Variants in ZNF827 observed in about 807,000 individuals in gnomAD.
ZNF827 encodes zinc finger protein 827.
Under a neutral mutation model 102.4 loss-of-function variants are expected in ZNF827, and 13 were observed. The ratio of observed to expected loss-of-function variants is 0.13; its 90% CI spans 0.08 to 0.20. The LOEUF (loss-of-function observed/expected upper bound fraction) is 0.20. ZNF827 is among the 10% of genes least tolerant of loss of function. The pLI is 1.00. For synonymous variants in ZNF827, 523 were observed against 536.2 expected (o/e 0.98, Z 0.34); for missense variants, 1,103 against 1,344.4 (o/e 0.82, Z 2.81).
intron 7 of ZNF827, chr4:145,839,075 A>T (rs1745164964): frequency 6.6e-6 from 1 of 152,218 alleles, no homozygotes; most frequent in African/African-American, 2.4e-5. Context: ...AAAATACAGC[A>T]TCTTAGGAAC....
intron 8 of ZNF827, among the ~76,000 whole-genome samples, chr4:145,782,330 C>A (rs1738200577): frequency 6.6e-6 from 1 of 152,164 alleles, no homozygotes; most frequent in Non-Finnish European, 1.5e-5. Flanking sequence ...AGACCTGAAG[C>A]AAAGGCCCGT....
intron 5 of ZNF827, among the ~76,000 whole-genome samples, chr4:145,859,087 C>T (rs1044094769): frequency 6.6e-6 from 1 of 152,068 alleles, no homozygotes; most frequent in Non-Finnish European, 1.5e-5. Context: ...GTCAATGTTC[C>T]CAGCAGGCAG....
intron 8 of ZNF827, among the ~76,000 whole-genome samples, chr4:145,811,632 C>T (rs539725497): frequency 9.2e-4 from 140 of 152,224 alleles, no homozygotes; most frequent in African/African-American, 3.1e-3. Flanking sequence ...GGAAAAACCA[C>T]GCACAATTTT....
intron 6 of ZNF827, among the ~76,000 whole-genome samples, chr4:145,847,022 C>T (rs1270185539): frequency 3.3e-5 from 5 of 151,686 alleles, no homozygotes; most frequent in South Asian, 2.1e-4. Flanking sequence ...GGCGTGATGG[C>T]GCGTGCCTGT....
Position 145,903,137 on chromosome 4 carries a change from G to A in ZNF827, c.122C>T (p.Ser41Leu). ...CTGGACTTCCCCATAGGATGCTTCT[G>A]ACGGAGTCTCTGAAGAGTTTCCATA... ...HWYGNSSETP[S>L]EASYGEVQEN... Residue 41 changes from serine to leucine, a missense_variant, in exon 2 of 15, where the codon TCA becomes TTA. By Grantham distance (145) the Ser-to-Leu change is moderately radical (BLOSUM62 -2). Around this residue, in one of 5 missense-constraint regions of ZNF827, gnomAD observed 441 missense variants for 458.6 expected, o/e 0.96. Transcript: ENST00000508784. 1 of 1,614,210 alleles carries A rather than the reference G, an allele frequency of 6.2e-7. No individual in the cohort carries two copies. The highest frequency in any genetic ancestry group is 8.5e-7 in the Non-Finnish European group (1 of 1,180,034).
chr4:145,849,237 GTT>G (rs71973224), intron 6 of ZNF827, 83 bp downstream of exon 6: 248 of 1,342,432 alleles, frequency 1.8e-4, no homozygotes, highest in African/African-American at 6.8e-4. Flanking sequence ...TATAATTCAG[GTT>G]TTTTTTTTTA....
intron 7 of ZNF827, among the ~76,000 whole-genome samples, chr4:145,829,317 A>G (rs1259284849): frequency 6.6e-6 from 1 of 152,198 alleles, no homozygotes; most frequent in Non-Finnish European, 1.5e-5. Flanking sequence ...ATTAAATGTA[A>G]GAGTTTCTGG....
intron 11 of ZNF827, among the ~76,000 whole-genome samples, chr4:145,766,546 G>C (rs778857821): frequency 6.6e-6 from 1 of 152,192 alleles, no homozygotes; most frequent in African/African-American, 2.4e-5. Context: ...GACAGACTCC[G>C]AGTGGCGGAT....
chr4:145,906,998 G>A (rs1751922012), intron 1 of ZNF827: 1 of 450,572 alleles, frequency 2.2e-6, no homozygotes, highest in Non-Finnish European at 4.4e-6. Flanking sequence ...TTAATGCATG[G>A]CATAGAAAGA....
intron 2 of ZNF827, among the ~76,000 whole-genome samples, chr4:145,895,376 T>G (rs1187201722): frequency 6.6e-6 from 1 of 152,240 alleles, no homozygotes; most frequent in Non-Finnish European, 1.5e-5. Context: ...TGCATATTAT[T>G]ATTTCATATA....
intron 10 of ZNF827, among the ~76,000 whole-genome samples, chr4:145,775,382 C>T (rs1308981181): frequency 6.6e-6 from 1 of 151,936 alleles, no homozygotes; most frequent in Non-Finnish European, 1.5e-5. Flanking sequence ...TACGTAACGC[C>T]TTCTGGGCTA....
At chr4:145,928,043 T>C (rs1316863010) in intron 1 of ZNF827, among the ~76,000 whole-genome samples, 1 of 152,176 alleles carries the variant, frequency 6.6e-6, no homozygotes. Flanking sequence ...ATTCCTTCCA[T>C]CAGTCTCTCT....
At chr4:145,873,439 C>T (rs1748884071) in intron 4 of ZNF827, among the ~76,000 whole-genome samples, 1 of 152,166 alleles carries the variant, frequency 6.6e-6, no homozygotes, top group African/African-American at 2.4e-5. Context: ...AGTGCTTTCC[C>T]TGGATTTAAT....
At chr4:145,782,310 T>C (rs1322988744) in intron 8 of ZNF827, among the ~76,000 whole-genome samples, 1 of 152,164 alleles carries the variant, frequency 6.6e-6, no homozygotes, top group Non-Finnish European at 1.5e-5. Flanking sequence ...AGTATTACTG[T>C]GGCAACACAA....
intron 1 of ZNF827, among the ~76,000 whole-genome samples, chr4:145,905,759 A>T (rs1464145424): frequency 6.6e-6 from 1 of 152,250 alleles, no homozygotes; most frequent in East Asian, 1.9e-4. Context: ...TCACATAGGA[A>T]GTATCCTATA....
intron 8 of ZNF827, among the ~76,000 whole-genome samples, chr4:145,817,694 C>T (rs1742722647): frequency 6.6e-6 from 1 of 152,132 alleles, no homozygotes; most frequent in South Asian, 2.1e-4. Flanking sequence ...AGAGCTAAAC[C>T]ATATCAAGAT....
Position 145,757,988 on chromosome 4 carries a change from T to C in ZNF827, c.*3628A>G, listed in dbSNP as rs1278077282. 1.3e-5 allele frequency: 2 copies of C among 152,218 alleles called. No individual in the cohort carries two copies. The highest frequency in any genetic ancestry group is 4.8e-5 in the African/African-American group (2 of 41,448). 9.4% of individuals were successfully genotyped at this position (152,218 alleles called of 1,614,324 possible). ...GAATTTCTCAAAGATGTTAGTGTTT[T>C]ATACGGAAAGGATATCTATGGAATA... On this transcript the variant is annotated 3_prime_UTR_variant, in exon 15 of 15. Coordinates refer to ENST00000508784, the MANE Select transcript of ZNF827 (RefSeq NM_001306215.2).
At chr4:145,930,144 T>C (rs568005142) in intron 1 of ZNF827, among the ~76,000 whole-genome samples, 5 of 152,322 alleles carry the variant, frequency 3.3e-5, no homozygotes, top group Admixed American at 2.0e-4. Flanking sequence ...AACAAAAGCT[T>C]TTTAAAATAC....
In ZNF827 at chr4:145,759,050, T is replaced by A. The variant is rs1346029984; in HGVS notation, c.*2566A>T. The A allele has an allele frequency of 2.6e-5, 4 of 152,130 alleles. No individual in the cohort carries two copies. The highest frequency in any genetic ancestry group is 4.8e-5 in the African/African-American group (2 of 41,418). 9.4% of individuals were successfully genotyped at this position (152,130 alleles called of 1,614,324 possible). ...TATTTTCCCCTGGTGAAACAGATTT[T>A]AAAAAACCCCAACTCTTAGGATAAC... On this transcript the variant is annotated 3_prime_UTR_variant, in exon 15 of 15. Coordinates refer to ENST00000508784, the MANE Select transcript of ZNF827 (RefSeq NM_001306215.2).
Sources: gnomAD v4.1 joint callset for allele counts (sites outside exome capture counted in the v4.1 genomes callset) on GRCh38, gnomAD v4.1.1 for gene constraint, gnomAD v4.1.1 regional missense constraint, MANE v1.5 for transcripts, NCBI Gene and HGNC (gene_info 2026-07-23, HGNC 2026-07-21) for gene names.